ZNF717: variants seen among roughly 807,000 people sequenced by gnomAD.
The protein encoded by ZNF717 is zinc finger protein 717, also known as krueppel-like factor X17.
Under a neutral mutation model 13.8 loss-of-function variants are expected in ZNF717, and 9 were observed. That is an observed-to-expected ratio of 0.65 (90% CI 0.39 to 1.14). The LOEUF is 1.14. Ranked by LOEUF, ZNF717 falls within the 50% of genes most tolerant of loss-of-function variation. The probability of loss-of-function intolerance (pLI) is 0.01; values close to 1 mark genes in which losing one functional copy is unlikely to be tolerated. For synonymous variants in ZNF717, 327 were observed against 364.1 expected, an observed-to-expected ratio of 0.90 and a Z score of 1.16; for missense variants, 1,040 against 1,080.7, an observed-to-expected ratio of 0.96 and a Z score of 0.53.
intron 2 of ZNF717, among the ~76,000 whole-genome samples, chr3:75,762,843 C>A (rs144762244): frequency 6.6e-6 from 1 of 152,098 alleles, no homozygotes; most frequent in African/African-American, 2.4e-5. Flanking sequence ...TAAAGACACA[C>A]GAGAAACTTA....
chr3:75,708,498 A>C (rs1937852794), downstream of ZNF717, among the ~76,000 whole-genome samples: 1 of 152,222 alleles, frequency 6.6e-6, no homozygotes, highest in African/African-American at 2.4e-5. Context: ...AAAAGTAGAT[A>C]AAACCACAAA....
intron 2 of ZNF717, among the ~76,000 whole-genome samples, chr3:75,776,280 A>G (rs1944311179): frequency 6.6e-6 from 1 of 152,302 alleles, no homozygotes; most frequent in Non-Finnish European, 1.5e-5. Context: ...TTGCTAAAAT[A>G]GTTTATAACC....
intron 2 of ZNF717, among the ~76,000 whole-genome samples, chr3:75,753,016 T>C (rs1575849044): frequency 6.7e-6 from 1 of 148,440 alleles, no homozygotes; most frequent in Non-Finnish European, 1.5e-5. Context: ...GGTGTCTGAA[T>C]GTTTATACCT....
intron 2 of ZNF717, among the ~76,000 whole-genome samples, chr3:75,773,783 CTTA>C (rs1944078793): frequency 6.6e-6 from 1 of 152,082 alleles, no homozygotes. Context: ...GGCGCAGTGG[CTTA>C]CACCTGTAAT....
downstream of ZNF717, chr3:75,735,740 GAAT>G (rs1297444640): frequency 1.4e-5 from 2 of 146,510 alleles, no homozygotes; most frequent in Non-Finnish European, 3.0e-5. Context: ...CAAGATCAAA[GAAT>G]AATAGGAGTT....
At chr3:75,780,205 T>TAA (rs1181692236) in intron 2 of ZNF717, among the ~76,000 whole-genome samples, 1 of 148,724 alleles carries the variant, frequency 6.7e-6, no homozygotes, top group Non-Finnish European at 1.5e-5. Context: ...AGTGACGTGC[T>TAA]AAAACCGGAA....
intron 2 of ZNF717, among the ~76,000 whole-genome samples, chr3:75,771,893 G>A (rs1943917702): frequency 6.6e-6 from 1 of 152,234 alleles, no homozygotes; most frequent in Non-Finnish European, 1.5e-5. Flanking sequence ...TCTGCTCCCA[G>A]AGCCCACTCC....
downstream of ZNF717, among the ~76,000 whole-genome samples, chr3:75,731,694 C>A (rs1411212116): frequency 6.6e-6 from 1 of 152,212 alleles, no homozygotes; most frequent in Non-Finnish European, 1.5e-5. Context: ...AGGAGGATCC[C>A]TTGAGTCCAG....
exon 6 of ZNF717, chr3:75,730,472 A>T: frequency 1.9e-6 from 1 of 535,670 alleles, no homozygotes. Context: ...TGGTGATGTG[A>T]AATTTGGAAA....
At chr3:75,704,305 T>G (rs2106819463) in intron 6 of ZNF717, among the ~76,000 whole-genome samples, 1 of 152,426 alleles carries the variant, frequency 6.6e-6, no homozygotes, top group South Asian at 2.1e-4. Context: ...AATCCTACTT[T>G]TTGGTCTGTA....
downstream of ZNF717, among the ~76,000 whole-genome samples, chr3:75,725,496 ACT>A (rs1938261305): frequency 2.0e-5 from 3 of 152,222 alleles, no homozygotes; most frequent in African/African-American, 4.8e-5. Flanking sequence ...TGACTCCAGA[ACT>A]CTGTTTCTGC....
intron 6 of ZNF717, among the ~76,000 whole-genome samples, chr3:75,704,307 T>C (rs1186582689): frequency 2.0e-5 from 3 of 152,382 alleles, no homozygotes; most frequent in African/African-American, 7.2e-5. Context: ...TCCTACTTTT[T>C]GGTCTGTATC....
At chr3:75,755,743 A>G (rs1454682958) in intron 2 of ZNF717, among the ~76,000 whole-genome samples, 1 of 152,270 alleles carries the variant, frequency 6.6e-6, no homozygotes, top group Non-Finnish European at 1.5e-5. Flanking sequence ...AGTACATGCT[A>G]AGAAAGACAG....
chr3:75,785,282 G>C (rs925323991), intron 1 of ZNF717, 102 bp downstream of exon 1: 4 of 152,224 alleles, frequency 2.6e-5, no homozygotes, highest in Non-Finnish European at 5.9e-5. Flanking sequence ...CGGGCCCAGG[G>C]CCACCGGCCT....
At chr3:75,732,147 T>C (rs796621385), downstream of ZNF717, 49 of 702,748 alleles carry the variant, frequency 7.0e-5, no homozygotes, top group Non-Finnish European at 1.2e-4. Context: ...AGGAAAACCA[T>C]CTTAAAATAT....
downstream of ZNF717, among the ~76,000 whole-genome samples, chr3:75,735,408 T>C (rs1338241682): frequency 1.3e-5 from 2 of 151,928 alleles, no homozygotes; most frequent in Non-Finnish European, 2.9e-5. Context: ...GAAAGATGGC[T>C]TGAGTCCAGG....
intron 2 of ZNF717, among the ~76,000 whole-genome samples, chr3:75,745,367 C>T (rs80144916): frequency 1.2e-4 from 18 of 152,030 alleles, no homozygotes; most frequent in African/African-American, 4.3e-4. Context: ...ATTCAGACCC[C>T]AGTAGCAGTG....
chr3:75,771,756 C>T (rs1280732656), intron 2 of ZNF717, among the ~76,000 whole-genome samples: 1 of 152,372 alleles, frequency 6.6e-6, no homozygotes, highest in Non-Finnish European at 1.5e-5. Flanking sequence ...GAGCCCCACC[C>T]TCCCAGGCAC....
chr3:75,737,965 T>G lies in ZNF717; in HGVS notation c.1658A>C (p.His553Pro), dbSNP rs77490669. ...TYSHKSYLTV[H>P]HRTHTGEKPY... ...TTTTTCCCCTGTGTGAGTTCTGTGA[T>G]GTACTGTAAGGTATGACTTGTGGCT... is the stretch of plus-strand genomic sequence containing the variant. Residue 553 changes from histidine (H) to proline (P), a missense_variant, in exon 5 of 5, where the codon CAT (histidine) becomes CCT (proline). His to Pro is a moderately conservative substitution (Grantham distance 77, BLOSUM62 -2). Coordinates refer to ENST00000652011, the MANE Select transcript of ZNF717 (RefSeq NM_001290208.3). 1.3e-6 allele frequency: 2 copies of G among 1,554,294 alleles called. No individual in the cohort carries two copies. The highest frequency in any genetic ancestry group is 1.7e-6 in the Non-Finnish European group (2 of 1,148,896).
Sources: gnomAD v4.1 joint callset for allele counts (sites outside exome capture counted in the v4.1 genomes callset) on GRCh38, gnomAD v4.1.1 for gene constraint, MANE v1.5 for transcripts, NCBI Gene and HGNC (gene_info 2026-07-23, HGNC 2026-07-21) for gene names.